PIK3CA: variants seen among roughly 807,000 people sequenced by gnomAD.
PIK3CA encodes the protein phosphatidylinositol 4,5-bisphosphate 3-kinase catalytic subunit alpha isoform.
A neutral mutation model predicts 138.2 loss-of-function variants in PIK3CA; 27 were observed. That is an observed-to-expected ratio of 0.20 (90% CI 0.14 to 0.27). The LOEUF is 0.27. PIK3CA is among the 10% of genes least tolerant of loss of function. PIK3CA has a pLI of 1.00. For missense variants in PIK3CA, 544 were observed against 1,277.4 expected (o/e 0.43, Z 8.75); for synonymous variants, 358 against 413.2 (o/e 0.87, Z 1.62).
intron 1 of PIK3CA, among the ~76,000 whole-genome samples, chr3:179,175,903 G>A (rs73187262): frequency 0.02 from 3,105 of 152,158 alleles, 46 homozygotes; most frequent in Middle Eastern, 0.054. Flanking sequence ...ATCCTCAGTG[G>A]TCATTTATAT....
chr3:179,229,596 G>T (rs1486312984), intron 18 of PIK3CA, among the ~76,000 whole-genome samples, 154 bp downstream of exon 18: 1 of 151,882 alleles, frequency 6.6e-6, no homozygotes, highest in Non-Finnish European at 1.5e-5. Flanking sequence ...TGATGTTAAT[G>T]GATTTAAATG....
intron 7 of PIK3CA, 33 bp downstream of exon 7, chr3:179,209,733 C>T (rs2108399515): frequency 8.1e-7 from 1 of 1,234,446 alleles, no homozygotes; most frequent in Non-Finnish European, 1.2e-6. Flanking sequence ...ATTATGTTTA[C>T]CTTTAAAAAC....
At chr3:179,208,682 CA>C (rs1356267491) in intron 6 of PIK3CA, among the ~76,000 whole-genome samples, 1 of 151,998 alleles carries the variant, frequency 6.6e-6, no homozygotes, top group African/African-American at 2.4e-5. Flanking sequence ...ATGTAGCACC[CA>C]GTAAATTGAG....
chr3:179,152,279 A>G (rs753810796), intron 1 of PIK3CA, among the ~76,000 whole-genome samples: 1 of 152,236 alleles, frequency 6.6e-6, no homozygotes, highest in South Asian at 2.1e-4. Flanking sequence ...GAAGATTATT[A>G]TCATATATAG....
At chr3:179,224,044 C>A (rs2108416549) in intron 14 of PIK3CA, 37 bp from the exon 15 acceptor site, 2 of 1,111,682 alleles carry the variant, frequency 1.8e-6, no homozygotes, top group South Asian at 1.3e-5. Flanking sequence ...TTTATTAAGT[C>A]AGTTTCTTAC....
intron 1 of PIK3CA, among the ~76,000 whole-genome samples, chr3:179,152,154 A>T (rs1723029066): frequency 6.6e-6 from 1 of 152,230 alleles, no homozygotes; most frequent in Admixed American, 6.5e-5. Context: ...GGTCACTAAA[A>T]ATGTACAACC....
intron 6 of PIK3CA, among the ~76,000 whole-genome samples, chr3:179,205,662 C>CTGG (rs1195302242): frequency 3.3e-5 from 5 of 152,128 alleles, no homozygotes; most frequent in Non-Finnish European, 5.9e-5. Flanking sequence ...TTATTACTGC[C>CTGG]TGGATGTGAT....
At chr3:179,178,341 G>A (rs73051979) in intron 1 of PIK3CA, among the ~76,000 whole-genome samples, 14,881 of 149,410 alleles carry the variant, frequency 0.1, 1,180 homozygotes, top group African/African-American at 0.21. Flanking sequence ...CAAAAGACTC[G>A]AGCAGACATT....
intron 1 of PIK3CA, among the ~76,000 whole-genome samples, chr3:179,172,933 A>T (rs533688422): frequency 6.6e-6 from 1 of 152,340 alleles, no homozygotes; most frequent in African/African-American, 2.4e-5. Context: ...TACAATAATC[A>T]AAATAGTACA....
At position 179,207,389 on chromosome 3, in the gene PIK3CA, C is replaced by T. The variant is rs575102240; in HGVS notation, c.1146-2206C>T. 9.2e-5 allele frequency among the ~76,000 whole-genome samples: 14 copies of T among 152,184 alleles called. No homozygotes were observed. The South Asian group carries it at 2.7e-3, about 29-fold the overall frequency. ...GATGGACTTTAGAAGAAAAGAGAAA[C>T]ATGCTTTATTTTGTTAGCATAGGGC... On this transcript the variant is annotated intron_variant, in intron 6 of 20. Transcript: ENST00000263967.
chr3:179,201,196 A>C, intron 3 of PIK3CA, 94 bp from the exon 4 acceptor site: 1 of 1,022,658 alleles, frequency 9.8e-7, no homozygotes, highest in Non-Finnish European at 1.5e-6. Flanking sequence ...CATTTCTGAT[A>C]TGGATAAAGT....
At chr3:179,149,776 G>A (rs545622629) in intron 1 of PIK3CA, 22 of 152,266 alleles carry the variant, frequency 1.4e-4, no homozygotes, top group Admixed American at 1.2e-3. Flanking sequence ...GAACCACTGA[G>A]GGCAATATTG....
chr3:179,206,558 A>G (rs1724567384), intron 6 of PIK3CA, among the ~76,000 whole-genome samples: 1 of 152,190 alleles, frequency 6.6e-6, no homozygotes, highest in Non-Finnish European at 1.5e-5. Flanking sequence ...AAAGACCCCA[A>G]AATAATACTG....
At chr3:179,155,181 A>G (rs1723103318) in intron 1 of PIK3CA, among the ~76,000 whole-genome samples, 1 of 152,232 alleles carries the variant, frequency 6.6e-6, no homozygotes, top group African/African-American at 2.4e-5. Flanking sequence ...ATAAGGCACT[A>G]TTATGAAGAG....
At chr3:179,185,656 TA>T (rs1165496803) in intron 1 of PIK3CA, among the ~76,000 whole-genome samples, 9 of 152,242 alleles carry the variant, frequency 5.9e-5, no homozygotes, top group Admixed American at 1.3e-4. Context: ...TGACTGGCTA[TA>T]AATCAGCGTT....
rs1725368204 is a variant in PIK3CA, at chr3:179,238,177, A to G, written c.*3813A>G. 4.5e-6 allele frequency: 1 copy of G among 222,550 alleles called. No individual in the cohort carries two copies. Among genetic ancestry groups the G allele is most frequent in the Non-Finnish European group, 9.0e-6 (1 of 111,284 alleles). 13.8% of individuals were successfully genotyped at this position (222,550 alleles called of 1,614,324 possible). A position where few individuals can be genotyped will look rare whatever the true frequency, so the allele number is the denominator to read the frequency against. On this transcript the variant is annotated 3_prime_UTR_variant, in exon 21 of 21. Coordinates refer to ENST00000263967, the MANE Select transcript of PIK3CA (RefSeq NM_006218.4). Reference sequence around the variant, plus strand: ...GCTGAAAGTTGTGAGAGTATATTGTATACCGTAAGAGAATCAACTCTTCAT... The same window carrying G: ...GCTGAAAGTTGTGAGAGTATATTGTGTACCGTAAGAGAATCAACTCTTCAT...
At chr3:179,197,405 C>T (rs931703957) in intron 1 of PIK3CA, among the ~76,000 whole-genome samples, 3 of 152,136 alleles carry the variant, frequency 2.0e-5, no homozygotes, top group African/African-American at 4.8e-5. Context: ...ACTTGATGAC[C>T]GCATTATGTG....
intron 17 of PIK3CA, among the ~76,000 whole-genome samples, chr3:179,227,193 A>G (rs1309838446): frequency 6.6e-6 from 1 of 152,082 alleles, no homozygotes; most frequent in Non-Finnish European, 1.5e-5. Flanking sequence ...ATAAGTAAAA[A>G]TTTTATTTCA....
chr3:179,163,843 G>C (rs944817417), intron 1 of PIK3CA, among the ~76,000 whole-genome samples: 11 of 151,790 alleles, frequency 7.2e-5, no homozygotes, highest in Non-Finnish European at 1.6e-4. Flanking sequence ...TGTTTTTGCT[G>C]GTGAGGGTGC....
Sources: allele counts gnomAD v4.1 joint callset (sites outside exome capture counted in the v4.1 genomes callset), GRCh38; gene constraint gnomAD v4.1.1; transcripts MANE v1.5; gene names NCBI Gene and HGNC (gene_info 2026-07-23, HGNC 2026-07-21).